The following EPB41L5 variants were observed in gnomAD, a reference collection of about 807,000 sequenced individuals.
The protein encoded by EPB41L5 is erythrocyte membrane protein band 4.1 like 5.
In EPB41L5, 55 loss-of-function variants were observed where a neutral mutation model predicts 106.6. That is an observed-to-expected ratio of 0.52 (90% CI 0.42 to 0.65). The LOEUF is 0.65. Among genes scored for constraint, EPB41L5 ranks in the 30% least tolerant of loss-of-function variants. EPB41L5 has a pLI of 0.00. For missense variants in EPB41L5, 871 were observed against 882.1 expected (o/e 0.99, Z 0.16); for synonymous variants, 297 against 306.7 (o/e 0.97, Z 0.33).
At chr2:120,093,651 A>G (rs1683558605) in intron 14 of EPB41L5, among the ~76,000 whole-genome samples, 1 of 152,218 alleles carries the variant, frequency 6.6e-6, no homozygotes, top group African/African-American at 2.4e-5. Context: ...GTTGTGGTGT[A>G]TAGACCTTCT....
intron 20 of EPB41L5, 190 bp from the exon 21 acceptor site, chr2:120,160,690 AC>A (rs1012817194): frequency 5.5e-6 from 3 of 546,126 alleles, no homozygotes; most frequent in African/African-American, 3.8e-5. Flanking sequence ...TTATTAAAAA[AC>A]CATTTTAACT....
intron 16 of EPB41L5, among the ~76,000 whole-genome samples, chr2:120,113,768 G>A (rs529828486): frequency 1.3e-5 from 2 of 152,258 alleles, no homozygotes; most frequent in South Asian, 4.1e-4. Flanking sequence ...CATACAGTGG[G>A]TGTTCTTTTG....
chr2:120,143,328 G>A (rs2105495339), intron 19 of EPB41L5, among the ~76,000 whole-genome samples, 197 bp downstream of exon 19: 1 of 152,232 alleles, frequency 6.6e-6, no homozygotes, highest in African/African-American at 2.4e-5. Flanking sequence ...TTCAATGTTT[G>A]CCACTTTGAT....
chr2:120,035,260 T>C (rs991467706), intron 2 of EPB41L5, among the ~76,000 whole-genome samples: 5 of 152,084 alleles, frequency 3.3e-5, no homozygotes, highest in Non-Finnish European at 7.4e-5. Flanking sequence ...TCTAAAAAAA[T>C]TTTTTTTAAA....
intron 3 of EPB41L5, among the ~76,000 whole-genome samples, chr2:120,060,160 T>C (rs1680939034): frequency 6.6e-6 from 1 of 152,196 alleles, no homozygotes; most frequent in Admixed American, 6.5e-5. Context: ...TACATTGTTG[T>C]TGGGATTGTA....
At chr2:120,135,645 C>G (rs1279811201) in intron 18 of EPB41L5, among the ~76,000 whole-genome samples, 1 of 152,058 alleles carries the variant, frequency 6.6e-6, no homozygotes, top group Non-Finnish European at 1.5e-5. Context: ...TTCAGTAAGT[C>G]GAAGCAGACT....
At chr2:120,096,221 A>T (rs968867674) in intron 14 of EPB41L5, among the ~76,000 whole-genome samples, 1 of 148,792 alleles carries the variant, frequency 6.7e-6, no homozygotes, top group African/African-American at 2.5e-5. Context: ...TGAAATGTCC[A>T]TTTTTTTTTC....
At chr2:120,104,657 A>G (rs1684345401) in intron 16 of EPB41L5, 2 of 986,240 alleles carry the variant, frequency 2.0e-6, no homozygotes, top group Admixed American at 6.1e-5. Context: ...TCTAGGCATA[A>G]TATATCAGCC....
At chr2:120,075,609 A>G in intron 6 of EPB41L5, 89 bp downstream of exon 6, 3 of 1,416,136 alleles carry the variant, frequency 2.1e-6, no homozygotes, top group Non-Finnish European at 3.0e-6. Flanking sequence ...GTAAAAAAGA[A>G]ATGGTCAACA....
At position 120,175,195 on chromosome 2, in the gene EPB41L5, A is replaced by G. The variant is rs1574810452; in HGVS notation, c.*288A>G. The G allele has an allele frequency of 5.2e-6, 2 of 382,828 alleles. No homozygotes were observed. The highest frequency in any genetic ancestry group is 9.4e-5 in the East Asian group (2 of 21,350). 23.7% of individuals were successfully genotyped at this position (382,828 alleles called of 1,614,324 possible). A position where few individuals can be genotyped will look rare whatever the true frequency, so the allele number is the denominator to read the frequency against. The stretch of plus-strand genomic sequence containing the variant: ...AATTTCTTTTTCTGGGGTTTCCTTC[A>G]AACTCTTGGCTCCACCTAGCGGTTC... On this transcript the variant is annotated 3_prime_UTR_variant, in exon 25 of 25. Transcript: ENST00000263713.
At chr2:120,051,084 C>T (rs1457835317) in intron 3 of EPB41L5, among the ~76,000 whole-genome samples, 2 of 152,216 alleles carry the variant, frequency 1.3e-5, no homozygotes, top group African/African-American at 4.8e-5. Flanking sequence ...AGGTGGCTCC[C>T]AGTTAGGCTA....
In EPB41L5 at chr2:120,090,527, A is replaced by AT; in HGVS notation, c.1043+13dup. 6.2e-7 allele frequency: 1 copy of AT among 1,604,660 alleles called. No individual in the cohort carries two copies. The highest frequency in any genetic ancestry group is 8.5e-7 in the Non-Finnish European group (1 of 1,176,436). ...ACGATTTAGATATAGGTTAATTTTA[A>AT]TTGCTGTTTTATCTGTCTTTCATTG... On this transcript the variant is annotated intron_variant, in intron 12 of 24. Transcript: ENST00000263713.
At chr2:120,092,773 CACTGATGATAATTCAT>C (rs1352162637) in intron 13 of EPB41L5, among the ~76,000 whole-genome samples, 9 of 152,100 alleles carry the variant, frequency 5.9e-5, no homozygotes, top group African/African-American at 1.7e-4. Context: ...TCTTGGTTTC[CACTGATGATAATTCAT>C]AATCAGTCAG....
intron 3 of EPB41L5, among the ~76,000 whole-genome samples, chr2:120,055,398 TC>T (rs1364500188): frequency 6.6e-6 from 1 of 152,022 alleles, no homozygotes; most frequent in Non-Finnish European, 1.5e-5. Flanking sequence ...AATCTGTATA[TC>T]AATTTGGGGA....
chr2:120,161,085 G>A, intron 21 of EPB41L5, 111 bp downstream of exon 21: 2 of 795,680 alleles, frequency 2.5e-6, no homozygotes, highest in Non-Finnish European at 4.3e-6. Flanking sequence ...GACTTAAGAT[G>A]TGAGAAGAGC....
intron 2 of EPB41L5, among the ~76,000 whole-genome samples, chr2:120,031,022 G>A (rs940037751): frequency 8.6e-5 from 13 of 151,988 alleles, no homozygotes; most frequent in Non-Finnish European, 1.5e-4. Context: ...GATTACAGGC[G>A]TCCGCCACCA....
intron 2 of EPB41L5, among the ~76,000 whole-genome samples, chr2:120,039,756 C>T (rs776171629): frequency 5.5e-5 from 8 of 145,790 alleles, no homozygotes; most frequent in African/African-American, 1.3e-4. Flanking sequence ...ACCCAGGAAG[C>T]GGAGGTTTCA....
Position 120,022,348 on chromosome 2 carries a change from G to T in EPB41L5, c.180+3084G>T, listed in dbSNP as rs529224311. Among the ~76,000 whole-genome samples the T allele has an allele frequency of 4.8e-5, 6 of 125,952 alleles. 1 individual carries two copies. Among genetic ancestry groups the T allele is most frequent in the African/African-American group, 1.8e-4 (6 of 33,152 alleles). The allele number at this position is 125,952 out of a possible 152,430, so 82.6% of individuals were successfully genotyped here. ...TCCCTCCCCTAACCCCCCACCCCCC[G>T]ACAGGCCCTGGTGTGTGATGTTCTC... On this transcript the variant is annotated intron_variant, in intron 2 of 24. Transcript: ENST00000263713.
intron 10 of EPB41L5, 32 bp from the exon 11 acceptor site, chr2:120,087,139 A>C (rs1164472665): frequency 1.5e-6 from 2 of 1,300,242 alleles, no homozygotes; most frequent in Non-Finnish European, 1.1e-6. Context: ...ATTTGTTTGT[A>C]ATTTGGCTTT....
Sources: gnomAD v4.1 joint callset for allele counts (sites outside exome capture counted in the v4.1 genomes callset) on GRCh38, gnomAD v4.1.1 for gene constraint, MANE v1.5 for transcripts, NCBI Gene and HGNC (gene_info 2026-07-23, HGNC 2026-07-21) for gene names.